NEK7: variants seen among roughly 807,000 people sequenced by gnomAD.
NEK7 encodes NIMA related kinase 7, also known as serine/threonine-protein kinase Nek7.
NEK7 carries 18 observed loss-of-function variants against 44.6 expected under a neutral mutation model. The observed-to-expected ratio is 0.40, with a 90% CI of 0.28 to 0.60. NEK7 has a LOEUF of 0.60. Among genes scored for constraint, NEK7 ranks in the 20% least tolerant of loss-of-function variants. The probability of loss-of-function intolerance (pLI) is 0.38; values close to 1 mark genes in which losing one functional copy is unlikely to be tolerated. For synonymous variants in NEK7, 130 were observed against 121.1 expected, an observed-to-expected ratio of 1.07 and a Z score of -0.48; for missense variants, 256 against 366.5, an observed-to-expected ratio of 0.70 and a Z score of 2.46.
chr1:198,286,975 A>G (rs2102996535), intron 7 of NEK7, among the ~76,000 whole-genome samples: 1 of 152,294 alleles, frequency 6.6e-6, no homozygotes, highest in South Asian at 2.1e-4. Flanking sequence ...TCTTCCTATT[A>G]TGAAGTCCTC....
chr1:198,263,658 G>A (rs1653553985), intron 4 of NEK7, among the ~76,000 whole-genome samples: 1 of 151,876 alleles, frequency 6.6e-6, no homozygotes, highest in Admixed American at 6.6e-5. Context: ...GTTAGATATA[G>A]TATAGTAGGT....
At chr1:198,228,571 A>G (rs1012136227) in intron 1 of NEK7, among the ~76,000 whole-genome samples, 1 of 152,124 alleles carries the variant, frequency 6.6e-6, no homozygotes, top group Non-Finnish European at 1.5e-5. Context: ...TTCTCCTTGA[A>G]GAGGTCCTTC....
intron 7 of NEK7, 147 bp from the exon 8 acceptor site, chr1:198,292,798 G>A (rs1654600215): frequency 1.6e-6 from 1 of 639,576 alleles, no homozygotes; most frequent in Non-Finnish European, 2.8e-6. Context: ...AAATTAAAAA[G>A]TTTTTAGTAT....
intron 7 of NEK7, among the ~76,000 whole-genome samples, chr1:198,279,680 A>G (rs888685274): frequency 1.4e-4 from 21 of 151,970 alleles, no homozygotes; most frequent in African/African-American, 5.1e-4. Context: ...TTGGTGTCAT[A>G]ATTTCATAGA....
At chr1:198,271,630 C>T (rs1653845334) in intron 5 of NEK7, among the ~76,000 whole-genome samples, 1 of 151,872 alleles carries the variant, frequency 6.6e-6, no homozygotes. Flanking sequence ...GCAGTCCCAT[C>T]TCTCTTTGAT....
At chr1:198,273,818 A>G (rs1653928900) in intron 5 of NEK7, among the ~76,000 whole-genome samples, 1 of 151,734 alleles carries the variant, frequency 6.6e-6, no homozygotes, top group South Asian at 2.1e-4. Flanking sequence ...CCAAACAGAC[A>G]TTTATTATTT....
At chr1:198,204,082 C>T (rs1160902617) in intron 1 of NEK7, among the ~76,000 whole-genome samples, 24 of 152,004 alleles carry the variant, frequency 1.6e-4, no homozygotes, top group Admixed American at 1.6e-3. Flanking sequence ...ATAGCGAGAT[C>T]CTGTCTCTAC....
At chr1:198,222,991 G>T (rs955576309) in intron 1 of NEK7, among the ~76,000 whole-genome samples, 3 of 152,076 alleles carry the variant, frequency 2.0e-5, no homozygotes, top group Non-Finnish European at 2.9e-5. Flanking sequence ...AAATACAAAG[G>T]CCTGATGCCA....
At chr1:198,262,664 G>T in intron 4 of NEK7, 27 bp downstream of exon 4, 2 of 1,366,588 alleles carry the variant, frequency 1.5e-6, no homozygotes, top group South Asian at 2.5e-5. Flanking sequence ...TGACTCTTTT[G>T]AACATAACAT....
chr1:198,209,041 A>G (rs1230899082), intron 1 of NEK7, among the ~76,000 whole-genome samples: 11 of 41,814 alleles, frequency 2.6e-4, no homozygotes, highest in East Asian at 0.019. Context: ...GTGTGTGTAT[A>G]TATATATATA....
chr1:198,169,473 T>C (rs961388220), intron 1 of NEK7, among the ~76,000 whole-genome samples: 5 of 152,184 alleles, frequency 3.3e-5, no homozygotes. Context: ...TGCTGTACCA[T>C]ATTGCCTGAC....
intron 2 of NEK7, among the ~76,000 whole-genome samples, chr1:198,242,067 C>T (rs1181429958): frequency 6.6e-6 from 1 of 152,074 alleles, no homozygotes; most frequent in African/African-American, 2.4e-5. Flanking sequence ...CTCAATCATC[C>T]TTGATTTCTC....
intron 9 of NEK7, among the ~76,000 whole-genome samples, chr1:198,298,833 AAGCCTCAGC>A (rs1009972271): frequency 6.6e-6 from 1 of 152,244 alleles, no homozygotes; most frequent in Non-Finnish European, 1.5e-5. Context: ...TGCAGCAGTG[AAGCCTCAGC>A]AGGCGGTTAC....
chr1:198,223,878 A>G (rs1478024903), intron 1 of NEK7, among the ~76,000 whole-genome samples: 1 of 152,168 alleles, frequency 6.6e-6, no homozygotes, highest in African/African-American at 2.4e-5. Flanking sequence ...TAAATAACTC[A>G]GTGGACTAAA....
At chr1:198,222,486 G>A (rs1666098950) in intron 1 of NEK7, among the ~76,000 whole-genome samples, 2 of 152,110 alleles carry the variant, frequency 1.3e-5, no homozygotes, top group South Asian at 2.1e-4. Flanking sequence ...CACCTGCCCT[G>A]TTTTTATTTC....
At chr1:198,280,704 G>T in intron 7 of NEK7, among the ~76,000 whole-genome samples, 1 of 147,392 alleles carries the variant, frequency 6.8e-6, no homozygotes, top group African/African-American at 2.5e-5. Context: ...ACTTACCTAG[G>T]GTCATGTAAT....
chr1:198,189,251 G>A (rs1043311181), intron 1 of NEK7, among the ~76,000 whole-genome samples: 2 of 152,104 alleles, frequency 1.3e-5, no homozygotes, highest in South Asian at 2.1e-4. Context: ...TTTTAAAAAC[G>A]TTGTTATTTT....
intron 5 of NEK7, among the ~76,000 whole-genome samples, chr1:198,270,084 G>A (rs1320260323): frequency 6.6e-6 from 1 of 151,768 alleles, no homozygotes; most frequent in Non-Finnish European, 1.5e-5. Flanking sequence ...AACATATTTG[G>A]TGATGAAGAC....
chr1:198,251,345 G>A (rs1439420597), intron 2 of NEK7, among the ~76,000 whole-genome samples: 3 of 146,774 alleles, frequency 2.0e-5, no homozygotes, highest in Non-Finnish European at 4.5e-5. Context: ...CTCTTTTTTG[G>A]TTGTGTCTCT....
Sources: allele counts gnomAD v4.1 joint callset (sites outside exome capture counted in the v4.1 genomes callset), GRCh38; gene constraint gnomAD v4.1.1; transcripts MANE v1.5; gene names NCBI Gene and HGNC (gene_info 2026-07-23, HGNC 2026-07-21).